Variants in VPS39 observed in about 807,000 individuals in gnomAD.
The protein encoded by VPS39 is vam6/Vps39-like protein.
VPS39 carries 70 observed loss-of-function variants against 121.0 expected under a neutral mutation model. The ratio of observed to expected loss-of-function variants is 0.58; its 90% CI spans 0.48 to 0.71. The LOEUF (loss-of-function observed/expected upper bound fraction) is 0.71, where lower values mean the gene tolerates loss of function less well. Among genes scored for constraint, VPS39 ranks in the 30% least tolerant of loss-of-function variants. The pLI is 0.00. For synonymous variants in VPS39, 378 were observed against 398.1 expected (o/e 0.95, Z 0.60); for missense variants, 818 against 1,051.5 (o/e 0.78, Z 3.07).
chr15:42,162,596 C>T (rs960045001), intron 21 of VPS39, 115 bp from the exon 22 acceptor site: 3 of 1,218,236 alleles, frequency 2.5e-6, no homozygotes, highest in Non-Finnish European at 3.3e-6. Context: ...TATCACTGAG[C>T]ATGTAAAACT....
intron 21 of VPS39, 30 bp downstream of exon 21, chr15:42,163,320 C>T (rs368023974): frequency 1.6e-5 from 26 of 1,614,028 alleles, no homozygotes; most frequent in East Asian, 2.2e-5. Context: ...GGTATGCACA[C>T]GTGCTCCCTG....
chr15:42,189,051 A>T, intron 5 of VPS39, 63 bp downstream of exon 5: 1 of 1,153,986 alleles, frequency 8.7e-7, no homozygotes, highest in East Asian at 2.4e-5. Flanking sequence ...AATGGTAGGA[A>T]TGATGTAGGA....
intron 19 of VPS39, 148 bp downstream of exon 19, chr15:42,164,209 TC>T (rs2049195721): frequency 8.1e-7 from 1 of 1,227,408 alleles, no homozygotes; most frequent in East Asian, 2.4e-5. Context: ...AAGTGAGTCT[TC>T]AGAGAGGACA....
intron 2 of VPS39, among the ~76,000 whole-genome samples, chr15:42,194,531 T>G (rs552743827): frequency 1.3e-5 from 2 of 152,190 alleles, no homozygotes; most frequent in East Asian, 3.9e-4. Context: ...GCAAGGAGTT[T>G]GGGGCCACCC....
chr15:42,164,295 G>A, intron 19 of VPS39, 63 bp downstream of exon 19: 1 of 1,595,578 alleles, frequency 6.3e-7, no homozygotes, highest in Non-Finnish European at 8.5e-7. Flanking sequence ...ACAATTAAAG[G>A]GGTGGATTAG....
chr15:42,200,344 T>C (rs373851110), intron 1 of VPS39, among the ~76,000 whole-genome samples: 3 of 152,074 alleles, frequency 2.0e-5, no homozygotes, highest in South Asian at 2.1e-4. Flanking sequence ...TCTTCAGATA[T>C]ATATTTTTAA....
intron 1 of VPS39, among the ~76,000 whole-genome samples, chr15:42,203,687 C>T (rs1465928627): frequency 6.6e-6 from 1 of 152,146 alleles, no homozygotes; most frequent in Non-Finnish European, 1.5e-5. Context: ...TTCTACTGGT[C>T]ATAAAAGGGA....
At chr15:42,173,192 A>G (rs1595652552) in intron 11 of VPS39, among the ~76,000 whole-genome samples, 1 of 152,248 alleles carries the variant, frequency 6.6e-6, no homozygotes. Context: ...AAGCAGTAGT[A>G]TGATCATCTC....
intron 13 of VPS39, among the ~76,000 whole-genome samples, 186 bp downstream of exon 13, chr15:42,167,208 G>T (rs892599509): frequency 2.6e-5 from 4 of 152,196 alleles, no homozygotes; most frequent in Non-Finnish European, 5.9e-5. Context: ...ATTGTGCATT[G>T]ATATCTTGCC....
At position 42,163,606 on chromosome 15, in the gene VPS39, G is replaced by T; in HGVS notation, c.2129+20C>A. ...CTGCTTTTAGACTGCTTAGGAGGTG[G>T]GATGTTGGGGCAAACTTACTCCTCA... On this transcript the variant is annotated intron_variant, in intron 20 of 24. Coordinates refer to ENST00000318006, the MANE Select transcript of VPS39 (RefSeq NM_015289.5). The T allele has an allele frequency of 6.2e-7, 1 of 1,604,326 alleles. No individual in the cohort carries two copies. The highest frequency in any genetic ancestry group is 8.5e-7 in the Non-Finnish European group (1 of 1,172,992).
chr15:42,192,392 A>T (rs372474116), intron 2 of VPS39, among the ~76,000 whole-genome samples: 2 of 152,236 alleles, frequency 1.3e-5, no homozygotes, highest in South Asian at 2.1e-4. Flanking sequence ...GGTAACAGCC[A>T]GTGAGGGAGC....
chr15:42,166,806 G>A lies in VPS39; in HGVS notation c.1485C>T (p.Ile495=), dbSNP rs141156339. 13 of 1,614,108 alleles carry A rather than the reference G, an allele frequency of 8.1e-6. No homozygotes were observed. In the African/African-American group the frequency reaches 1.5e-4, roughly 18 times the overall value. ...LKKAHKYSEL[I]ILYEKKGLHE... is the part of the protein sequence containing the mutation. ...GGAGCCCCTTCTTCTCATACAGGATGATAAGCTCACTGTACTTGTGAGCCT... is the reference window on the plus strand; with the variant it reads ...GGAGCCCCTTCTTCTCATACAGGATAATAAGCTCACTGTACTTGTGAGCCT... Residue 495 remains isoleucine (I), a synonymous_variant, in exon 14 of 25, where the codon ATC becomes ATT. Transcript: ENST00000318006.
chr15:42,204,925 T>G (rs974327259), intron 1 of VPS39, among the ~76,000 whole-genome samples: 3 of 152,174 alleles, frequency 2.0e-5, no homozygotes, highest in Non-Finnish European at 4.4e-5. Context: ...TTTACAGGCT[T>G]TGAATATACA....
intron 2 of VPS39, among the ~76,000 whole-genome samples, chr15:42,196,392 G>A (rs899526979): frequency 1.1e-4 from 16 of 152,162 alleles, no homozygotes; most frequent in Non-Finnish European, 1.9e-4. Flanking sequence ...GCAACCTACA[G>A]AATGGGAGAA....
intron 1 of VPS39, among the ~76,000 whole-genome samples, chr15:42,205,879 A>G (rs1268427242): frequency 6.6e-6 from 1 of 152,198 alleles, no homozygotes; most frequent in Non-Finnish European, 1.5e-5. Flanking sequence ...AGAACACACA[A>G]GATTTGCTGA....
chr15:42,191,641 A>G lies in VPS39; in HGVS notation c.140-81T>C, dbSNP rs1229417369. On this transcript the variant is annotated intron_variant, in intron 2 of 24. Coordinates refer to ENST00000318006, the MANE Select transcript of VPS39 (RefSeq NM_015289.5). The stretch of plus-strand genomic sequence containing the variant: ...CACTACTAGAAAAATACTGCTCCAT[A>G]CTGCTCTCCTATATAAATCTTTGGA... 3 of 1,182,930 alleles carry G rather than the reference A, an allele frequency of 2.5e-6. No individual in the cohort carries two copies. In the African/African-American group the frequency reaches 4.7e-5, roughly 18 times the overall value. The allele number at this position is 1,182,930 out of a possible 1,614,324, so 73.3% of individuals were successfully genotyped here.
At chr15:42,191,235 T>TA in intron 3 of VPS39, 68 bp from the exon 4 acceptor site, 1 of 1,571,450 alleles carries the variant, frequency 6.4e-7, no homozygotes, top group Non-Finnish European at 8.7e-7. Flanking sequence ...GTTCATTCAA[T>TA]AACAGTAATA....
intron 2 of VPS39, among the ~76,000 whole-genome samples, chr15:42,196,875 G>A (rs562807859): frequency 1.5e-3 from 228 of 152,090 alleles, no homozygotes; most frequent in African/African-American, 5.2e-3. Flanking sequence ...ACATGCACAC[G>A]TATGTTTAAT....
chr15:42,176,737 C>T (rs1043468057), intron 10 of VPS39, among the ~76,000 whole-genome samples: 5 of 152,072 alleles, frequency 3.3e-5, no homozygotes, highest in Non-Finnish European at 7.4e-5. Context: ...ATGTTCTTCA[C>T]GAGTAGCCAC....
Sources: allele counts gnomAD v4.1 joint callset (sites outside exome capture counted in the v4.1 genomes callset), GRCh38; gene constraint gnomAD v4.1.1; transcripts MANE v1.5; gene names NCBI Gene and HGNC (gene_info 2026-07-23, HGNC 2026-07-21).